Variants in ITPR1 observed in about 807,000 individuals in gnomAD.
ITPR1 encodes the protein inositol 1,4,5-trisphosphate receptor type 1.
ITPR1 carries 96 observed loss-of-function variants against 318.4 expected under a neutral mutation model. That is an observed-to-expected ratio of 0.30 (90% CI 0.26 to 0.36). The LOEUF (loss-of-function observed/expected upper bound fraction) is 0.36. ITPR1 is among the 10% of genes least tolerant of loss of function. ITPR1 has a pLI of 1.00. For missense variants in ITPR1, 2,440 were observed against 3,460.2 expected (o/e 0.71, Z 7.40); for synonymous variants, 1,312 against 1,289.9 (o/e 1.02, Z -0.37).
At chr3:4,721,336 G>T (rs1414039706) in intron 40 of ITPR1, among the ~76,000 whole-genome samples, 1 of 151,950 alleles carries the variant, frequency 6.6e-6, no homozygotes, top group East Asian at 1.9e-4. Flanking sequence ...AAACCACATT[G>T]TTGGAGCTAA....
intron 4 of ITPR1, among the ~76,000 whole-genome samples, chr3:4,560,633 C>T (rs982596116): frequency 1.3e-5 from 2 of 152,106 alleles, no homozygotes; most frequent in African/African-American, 2.4e-5. Flanking sequence ...TGGACTTTTT[C>T]TTTCAAGGAG....
intron 60 of ITPR1, 27 bp from the exon 61 acceptor site, chr3:4,836,747 T>C: frequency 9.8e-7 from 1 of 1,021,820 alleles, no homozygotes; most frequent in East Asian, 3.9e-5. Context: ...TTTTTTTTTT[T>C]TTTTTTTTTT....
intron 2 of ITPR1, among the ~76,000 whole-genome samples, chr3:4,508,167 C>A (rs551445796): frequency 7.9e-5 from 12 of 152,246 alleles, no homozygotes; most frequent in African/African-American, 2.9e-4. Context: ...ACTACCCTGC[C>A]ACCCGATTAC....
At chr3:4,680,731 C>T (rs148841467) in intron 25 of ITPR1, 40 bp downstream of exon 25, 6 of 1,561,432 alleles carry the variant, frequency 3.8e-6, no homozygotes, top group Admixed American at 1.9e-5. Context: ...TAGAATGGGA[C>T]CTGGCTCTAA....
At chr3:4,622,349 G>C (rs930387541) in intron 4 of ITPR1, among the ~76,000 whole-genome samples, 1 of 150,684 alleles carries the variant, frequency 6.6e-6, no homozygotes, top group Non-Finnish European at 1.5e-5. Flanking sequence ...TCTTGACCTC[G>C]TGATCCGCCT....
At chr3:4,686,251 C>T (rs2094392201) in intron 30 of ITPR1, among the ~76,000 whole-genome samples, 2 of 152,208 alleles carry the variant, frequency 1.3e-5, no homozygotes, top group Non-Finnish European at 2.9e-5. Flanking sequence ...CCTTCTACTC[C>T]AGGAAATTTC....
intron 4 of ITPR1, among the ~76,000 whole-genome samples, chr3:4,615,700 C>G (rs2092361699): frequency 6.6e-6 from 1 of 152,104 alleles, no homozygotes; most frequent in Admixed American, 6.5e-5. Context: ...TATCACCTTT[C>G]CCTGTGTTTA....
intron 32 of ITPR1, 39 bp from the exon 33 acceptor site, chr3:4,693,451 G>A: frequency 1.3e-6 from 2 of 1,597,190 alleles, no homozygotes; most frequent in Non-Finnish European, 1.7e-6. Context: ...CCCCACCCCT[G>A]CAAGCTTGTA....
intron 40 of ITPR1, among the ~76,000 whole-genome samples, chr3:4,719,189 T>A (rs760961152): frequency 2.6e-5 from 4 of 152,160 alleles, no homozygotes; most frequent in Non-Finnish European, 4.4e-5. Context: ...ATACTGTCTG[T>A]TTATAAAAGA....
At chr3:4,656,360 G>A (rs537043804) in intron 12 of ITPR1, among the ~76,000 whole-genome samples, 31 of 152,348 alleles carry the variant, frequency 2.0e-4, no homozygotes, top group African/African-American at 7.0e-4. Flanking sequence ...AAAGTGGCAT[G>A]TGGAGTAATA....
chr3:4,682,943 A>G (rs1328841349), intron 26 of ITPR1, among the ~76,000 whole-genome samples: 1 of 152,174 alleles, frequency 6.6e-6, no homozygotes, highest in Non-Finnish European at 1.5e-5. Flanking sequence ...AGTCCCAGCT[A>G]CTCAGTATGC....
intron 4 of ITPR1, among the ~76,000 whole-genome samples, chr3:4,602,714 G>A (rs2125085187): frequency 6.6e-6 from 1 of 152,274 alleles, no homozygotes; most frequent in Non-Finnish European, 1.5e-5. Flanking sequence ...GCTACAACAT[G>A]CATGAACCTT....
chr3:4,493,692 T>C (rs1345387485), intron 1 of ITPR1, 87 bp downstream of exon 1: 1 of 152,206 alleles, frequency 6.6e-6, no homozygotes, highest in Non-Finnish European at 1.5e-5. Context: ...CGGGGAGATC[T>C]TGATGGATGT....
chr3:4,614,540 T>C (rs11707535), intron 4 of ITPR1, among the ~76,000 whole-genome samples: 9,019 of 152,342 alleles, frequency 0.059, 371 homozygotes, highest in Non-Finnish European at 0.089. Flanking sequence ...CTAAAACTTA[T>C]AGAGATTAGA....
At chr3:4,766,475 G>A in intron 44 of ITPR1, 55 bp from the exon 45 acceptor site, 1 of 1,469,874 alleles carries the variant, frequency 6.8e-7, no homozygotes, top group Admixed American at 1.8e-5. Flanking sequence ...GTCATGAGTG[G>A]GGTGCAGTTT....
intron 3 of ITPR1, among the ~76,000 whole-genome samples, chr3:4,517,821 G>A (rs943138890): frequency 2.3e-4 from 35 of 152,104 alleles, no homozygotes; most frequent in African/African-American, 6.3e-4. Context: ...TGTTTTCATC[G>A]TCTATGGTTG....
At chr3:4,738,959 G>A (rs1331096843) in intron 44 of ITPR1, among the ~76,000 whole-genome samples, 1 of 151,854 alleles carries the variant, frequency 6.6e-6, no homozygotes, top group Non-Finnish European at 1.5e-5. Flanking sequence ...GACCCCTGGG[G>A]GGCCCAGTCT....
At chr3:4,551,853 ACAT>A (rs2085600412) in intron 4 of ITPR1, among the ~76,000 whole-genome samples, 1 of 152,238 alleles carries the variant, frequency 6.6e-6, no homozygotes, top group Non-Finnish European at 1.5e-5. Flanking sequence ...TTTTTTGACT[ACAT>A]CTCTGCTGTC....
At chr3:4,619,190 G>A (rs2092499770) in intron 4 of ITPR1, among the ~76,000 whole-genome samples, 1 of 152,044 alleles carries the variant, frequency 6.6e-6, no homozygotes, top group Admixed American at 6.5e-5. Flanking sequence ...AAGCCTTAAG[G>A]ATCTTCTCCT....
Sources: gnomAD v4.1 joint callset for allele counts (sites outside exome capture counted in the v4.1 genomes callset) on GRCh38, gnomAD v4.1.1 for gene constraint, MANE v1.5 for transcripts, NCBI Gene and HGNC (gene_info 2026-07-23, HGNC 2026-07-21) for gene names.